Variants in IL23R observed in about 807,000 individuals in gnomAD.
The protein encoded by IL23R is interleukin-23 receptor.
In IL23R, 34 loss-of-function variants were observed where a neutral mutation model predicts 56.9. The observed-to-expected ratio is 0.60, with a 90% CI of 0.45 to 0.80. The LOEUF is 0.80. IL23R is among the 30% of genes least tolerant of loss of function. The pLI is 0.00. For missense variants in IL23R, 635 were observed against 730.0 expected (o/e 0.87, Z 1.50); for synonymous variants, 230 against 249.2 (o/e 0.92, Z 0.73).
intron 8 of IL23R, among the ~76,000 whole-genome samples, chr1:67,239,436 G>C (rs1651714559): frequency 6.6e-6 from 1 of 152,036 alleles, no homozygotes; most frequent in Non-Finnish European, 1.5e-5. Context: ...GCTAATTTTT[G>C]TAATTTTTGT....
At chr1:67,226,089 A>G (rs7543633) in intron 7 of IL23R, among the ~76,000 whole-genome samples, 72,252 of 151,994 alleles carry the variant, frequency 0.48, 17,715 homozygotes, top group African/African-American at 0.56. Context: ...AACCCGTTAC[A>G]GGAGGGGGAG....
At chr1:67,138,842 A>G (rs1646607520), upstream of IL23R, 1 of 152,316 alleles carries the variant, frequency 6.6e-6, no homozygotes, top group Non-Finnish European at 1.5e-5. Context: ...AAAGTTATCT[A>G]TGTTAGGCCA....
At chr1:67,155,282 C>A (rs1415523918) in intron 1 of IL23R, among the ~76,000 whole-genome samples, 1 of 152,156 alleles carries the variant, frequency 6.6e-6, no homozygotes, top group African/African-American at 2.4e-5. Flanking sequence ...GATTGATCTT[C>A]TCATGGAGTA....
intron 6 of IL23R, among the ~76,000 whole-genome samples, chr1:67,211,414 G>T (rs761299780): frequency 1.0e-3 from 152 of 152,224 alleles, no homozygotes; most frequent in Non-Finnish European, 1.6e-3. Context: ...TGAGCTCAGG[G>T]ATTGAAGACC....
rs199561734 is a variant in IL23R at position 67,228,086 on chromosome 1, C to T, written c.955+8356C>T. Among the ~76,000 whole-genome samples the T allele has an allele frequency of 9.4e-5, 3 of 31,918 alleles. 1 individual carries two copies. Among genetic ancestry groups the T allele is most frequent in the Non-Finnish European group, 1.3e-4 (2 of 15,160 alleles). The allele number at this position is 31,918 out of a possible 152,430, so 20.9% of individuals were successfully genotyped here. A position where few individuals can be genotyped will look rare whatever the true frequency, so the allele number is the denominator to read the frequency against. On this transcript the variant is annotated intron_variant, in intron 7 of 10. Coordinates refer to ENST00000347310, the MANE Select transcript of IL23R (RefSeq NM_144701.3). ...CTCTGTCTCTCTCTTTCTTTCTTTT[C>T]TTTCTTTCTTTCTTTCTTTCTCTCT...
At chr1:67,218,550 T>C (rs1650025760) in intron 6 of IL23R, among the ~76,000 whole-genome samples, 1 of 151,992 alleles carries the variant, frequency 6.6e-6, no homozygotes, top group South Asian at 2.1e-4. Context: ...ATTCAGACAA[T>C]TGCTATCAGC....
At chr1:67,200,354 G>T (rs1431238042) in intron 4 of IL23R, among the ~76,000 whole-genome samples, 1 of 151,736 alleles carries the variant, frequency 6.6e-6, no homozygotes, top group African/African-American at 2.4e-5. Context: ...TTTTAAAAAG[G>T]TAACATTTTA....
At chr1:67,164,764 T>C (rs535417094), upstream of IL23R, among the ~76,000 whole-genome samples, 3 of 152,354 alleles carry the variant, frequency 2.0e-5, no homozygotes, top group East Asian at 5.8e-4. Flanking sequence ...TGGAGTCATA[T>C]GTTGCTTAAT....
intron 7 of IL23R, among the ~76,000 whole-genome samples, chr1:67,229,551 T>C (rs1008678731): frequency 3.4e-4 from 51 of 152,182 alleles, no homozygotes; most frequent in African/African-American, 1.2e-3. Context: ...CCCTCTCCCC[T>C]CTGGGAGGTT....
intron 9 of IL23R, among the ~76,000 whole-genome samples, chr1:67,248,838 G>A (rs1003191147): frequency 3.5e-4 from 53 of 152,126 alleles, no homozygotes; most frequent in African/African-American, 1.2e-3. Context: ...GAAGACCGTG[G>A]GGAAAGCACA....
Position 67,250,695 on chromosome 1 carries a change from C to A in IL23R, c.1149-5142C>A, listed in dbSNP as rs183886388. On this transcript the variant is annotated intron_variant, in intron 9 of 10. Transcript: ENST00000347310. ...CTTCCAAAAGTGTTTTATCTAAGCA[C>A]TTATTTTTCTTTAAGCCAATTACTT... 3.9e-5 allele frequency among the ~76,000 whole-genome samples: 6 copies of A among 152,284 alleles called. No homozygotes were observed. In the East Asian group the frequency reaches 1.2e-3, roughly 29 times the overall value.
At chr1:67,241,703 G>A (rs561422173) in intron 9 of IL23R, among the ~76,000 whole-genome samples, 37 of 152,306 alleles carry the variant, frequency 2.4e-4, no homozygotes, top group African/African-American at 8.7e-4. Flanking sequence ...ATGGCTGCTT[G>A]TAAACATTTA....
chr1:67,262,331 G>A (rs1057433000), downstream of IL23R, among the ~76,000 whole-genome samples: 3 of 152,076 alleles, frequency 2.0e-5, no homozygotes, highest in African/African-American at 7.2e-5. Context: ...CAGAGGTAGG[G>A]GGTGGAGAGA....
chr1:67,163,969 A>G (rs879337874), upstream of IL23R, among the ~76,000 whole-genome samples: 3 of 152,196 alleles, frequency 2.0e-5, no homozygotes, highest in Admixed American at 2.0e-4. Context: ...ATATTTTTAG[A>G]TATGACACTG....
chr1:67,226,093 G>C (rs1045322711), intron 7 of IL23R, among the ~76,000 whole-genome samples: 3 of 152,210 alleles, frequency 2.0e-5, no homozygotes, highest in Middle Eastern at 3.2e-3. Flanking sequence ...CGTTACAGGA[G>C]GGGGAGCACA....
the IL23R span, among the ~76,000 whole-genome samples, chr1:67,265,382 C>A: frequency 6.6e-6 from 1 of 152,122 alleles, no homozygotes; most frequent in Non-Finnish European, 1.5e-5. Flanking sequence ...TGACTCTCAG[C>A]AAATTATGAG....
chr1:67,189,562 C>T (rs1647591449), intron 4 of IL23R, among the ~76,000 whole-genome samples: 1 of 152,046 alleles, frequency 6.6e-6, no homozygotes, highest in Admixed American at 6.6e-5. Flanking sequence ...AGTCAAAGGA[C>T]TAACTTATAA....
chr1:67,189,151 A>G (rs1225226886), intron 4 of IL23R, among the ~76,000 whole-genome samples: 2 of 152,112 alleles, frequency 1.3e-5, no homozygotes, highest in African/African-American at 4.8e-5. Flanking sequence ...TGTCAATAGT[A>G]CATTTATTCA....
intron 1 of IL23R, among the ~76,000 whole-genome samples, chr1:67,150,043 T>C (rs949053085): frequency 2.6e-5 from 4 of 152,180 alleles, no homozygotes; most frequent in African/African-American, 9.7e-5. Flanking sequence ...AGGAATTTTC[T>C]GGGCTCAATC....
Sources: allele counts gnomAD v4.1 joint callset (sites outside exome capture counted in the v4.1 genomes callset), GRCh38; gene constraint gnomAD v4.1.1; transcripts MANE v1.5; gene names NCBI Gene and HGNC (gene_info 2026-07-23, HGNC 2026-07-21).